The following DMD variants were observed in gnomAD, a reference collection of about 807,000 sequenced individuals.
The protein encoded by DMD is dystrophin, also known as mutant dystrophin.
Under a neutral mutation model 330.1 loss-of-function variants are expected in DMD, and 63 were observed. The ratio of observed to expected loss-of-function variants is 0.19; its 90% confidence interval spans 0.16 to 0.24. DMD has a LOEUF of 0.24. Ranked by LOEUF, DMD falls within the 10% of genes least tolerant of loss-of-function variation. DMD has a pLI of 1.00. For missense variants in DMD, 3,344 were observed against 2,684.1 expected, an observed-to-expected ratio of 1.25 and a Z score of -5.43; for synonymous variants, 1,223 against 959.8, an observed-to-expected ratio of 1.27 and a Z score of -5.07.
chrX:32,398,919 G>C (rs1349087766), intron 30 of DMD, among the ~76,000 whole-genome samples: 1 of 110,996 alleles, frequency 9.0e-6, no homozygotes, highest in African/African-American at 3.3e-5. Flanking sequence ...ACAGAATAGA[G>C]AACACAGAGA....
chrX:32,445,089 T>C (rs1448942862), intron 27 of DMD, among the ~76,000 whole-genome samples: 1 of 111,365 alleles, frequency 9.0e-6, no homozygotes, highest in Admixed American at 9.5e-5. Flanking sequence ...TCAAGAGCAG[T>C]TTGTGTAAAG....
chrX:33,019,150 A>G (rs1173622321), intron 2 of DMD, among the ~76,000 whole-genome samples: 1 of 111,778 alleles, frequency 8.9e-6, no homozygotes, highest in Non-Finnish European at 1.9e-5. Context: ...TGGCTCCATT[A>G]TCATGAATTT....
chrX:32,340,052 A>C (rs777670197), intron 41 of DMD, among the ~76,000 whole-genome samples: 2 of 112,123 alleles, frequency 1.8e-5, no homozygotes, highest in South Asian at 7.4e-4. Context: ...CAGTGAAATT[A>C]GTTTTAAAAT....
chrX:32,128,136 T>C (rs1402031815), intron 44 of DMD, among the ~76,000 whole-genome samples: 1 of 112,345 alleles, frequency 8.9e-6, no homozygotes, highest in Non-Finnish European at 1.9e-5. Context: ...AATTTCACTG[T>C]AAAACAAGTA....
chrX:31,478,634 CA>C (rs2068007750), intron 58 of DMD, among the ~76,000 whole-genome samples: 1 of 111,901 alleles, frequency 8.9e-6, no homozygotes, highest in Admixed American at 9.5e-5. Flanking sequence ...ATGCATACCA[CA>C]AGCTCTAATT....
Position 33,081,729 on chromosome X carries a change from TG to T in DMD, c.32-61530del, listed in dbSNP as rs751962027. On this transcript the variant is annotated intron_variant, in intron 1 of 78. Coordinates refer to ENST00000357033, the MANE Select transcript of DMD (RefSeq NM_004006.3). ...CCGGGTGACCAAAAGCATGCTTCTCTGGATCCAAGTGTGCAAAGAGTCAAGT... is the reference window on the plus strand; with the variant it reads ...CCGGGTGACCAAAAGCATGCTTCTCTGATCCAAGTGTGCAAAGAGTCAAGT... 7.8e-3 allele frequency among the ~76,000 whole-genome samples: 876 copies of T among 112,130 alleles called. 8 individuals carry two copies. Among genetic ancestry groups the T allele is most frequent in the African/African-American group, 0.027 (844 of 30,893 alleles).
chrX:31,870,301 C>T (rs1478170603), intron 48 of DMD, among the ~76,000 whole-genome samples: 1 of 111,830 alleles, frequency 8.9e-6, no homozygotes, highest in African/African-American at 3.2e-5. Flanking sequence ...CCTCTTGCCA[C>T]TTTTATACCT....
At chrX:32,653,725 T>C (rs2060343895) in intron 9 of DMD, among the ~76,000 whole-genome samples, 1 of 111,953 alleles carries the variant, frequency 8.9e-6, no homozygotes, top group African/African-American at 3.2e-5. Flanking sequence ...GGGGATGGCA[T>C]TGAATCTATA....
In DMD at chrX:32,454,846, A is replaced by C; in HGVS notation, c.3433-14T>G. 1 of 1,203,238 alleles carries C rather than the reference A, an allele frequency of 8.3e-7. No homozygotes were observed. Among genetic ancestry groups the C allele is most frequent in the Non-Finnish European group, 1.1e-6 (1 of 890,446 alleles). ...TCTGGCATAGACCTTCCACAAAACA[A>C]ACAAACAAAACACGATTATTGACAG... is the stretch of plus-strand genomic sequence containing the variant. On this transcript the variant is annotated splice_polypyrimidine_tract_variant and intron_variant, in intron 25 of 78. Transcript: ENST00000357033.
At chrX:32,892,186 C>A (rs1156831338) in intron 2 of DMD, among the ~76,000 whole-genome samples, 2 of 111,932 alleles carry the variant, frequency 1.8e-5, no homozygotes, top group African/African-American at 3.2e-5. Flanking sequence ...CCCTCAACCC[C>A]TTACAACTGT....
In DMD at chrX:32,287,534, T is replaced by C. The variant is rs1047077632; in HGVS notation, c.6285A>G (p.Arg2095=). 8.3e-7 allele frequency: 1 copy of C among 1,208,237 alleles called. No individual in the cohort carries two copies. The highest frequency in any genetic ancestry group is 2.2e-5 in the Admixed American group (1 of 45,624). ...WEKVNKMYKD[R]QGRFDRSVEK... ...AAAATATATGTGTTACCTACCCTTG[T>C]CGGTCCTTGTACATTTTGTTAACTT... Residue 2095 remains arginine (R), a synonymous_variant, in exon 43 of 79, where the codon CGA becomes CGG. Transcript: ENST00000357033.
In DMD at chrX:32,711,683, C is replaced by T. The variant is rs1462803652; in HGVS notation, c.650-12390G>A. 6.3e-5 allele frequency among the ~76,000 whole-genome samples: 7 copies of T among 111,605 alleles called. No homozygotes were observed. In the Admixed American group the frequency reaches 6.7e-4, roughly 11 times the overall value. On this transcript the variant is annotated intron_variant, in intron 7 of 78. Transcript: ENST00000357033. ...CATTTAAAGTTAATAGTGAAAGTAC[C>T]CCATATCTCTACAGCACCACAGTCC...
chrX:33,237,028 G>A, intron 1 of DMD, among the ~76,000 whole-genome samples: 1 of 111,367 alleles, frequency 9.0e-6, no homozygotes, highest in East Asian at 2.8e-4. Flanking sequence ...AGACTACTTT[G>A]AAGTAAGGAT....
intron 45 of DMD, among the ~76,000 whole-genome samples, chrX:31,959,661 A>G (rs2095281199): frequency 9.1e-6 from 1 of 110,318 alleles, no homozygotes; most frequent in Admixed American, 9.7e-5. Context: ...AGATTTGGAG[A>G]TGCTGAAAAT....
At chrX:33,276,929 A>G (rs2043468634) in intron 1 of DMD, among the ~76,000 whole-genome samples, 2 of 112,214 alleles carry the variant, frequency 1.8e-5, no homozygotes, top group Non-Finnish European at 3.8e-5. Context: ...AAGAATTGAC[A>G]TTGGTATAAT....
intron 13 of DMD, among the ~76,000 whole-genome samples, chrX:32,576,906 GCATT>G (rs1190123297): frequency 1.4e-4 from 16 of 111,509 alleles, no homozygotes; most frequent in Middle Eastern, 4.6e-3. Flanking sequence ...AGCCATCAAT[GCATT>G]CATTCATTGA....
At chrX:33,143,565 C>T (rs1393420581) in intron 1 of DMD, among the ~76,000 whole-genome samples, 1 of 110,757 alleles carries the variant, frequency 9.0e-6, no homozygotes, top group Non-Finnish European at 1.9e-5. Flanking sequence ...CATTTTATTC[C>T]CTTATTTAGG....
At chrX:31,958,430 G>C (rs2095268535) in intron 45 of DMD, among the ~76,000 whole-genome samples, 3 of 111,461 alleles carry the variant, frequency 2.7e-5, no homozygotes, top group African/African-American at 9.8e-5. Context: ...TGAAATCTTT[G>C]AACTTATTTT....
intron 61 of DMD, among the ~76,000 whole-genome samples, chrX:31,338,371 CAGG>C (rs1320570591): frequency 9.4e-6 from 1 of 106,848 alleles, no homozygotes; most frequent in Non-Finnish European, 1.9e-5. Flanking sequence ...GAGGCTGAGG[CAGG>C]AGAATAGCTT....
Sources: allele counts gnomAD v4.1 joint callset (sites outside exome capture counted in the v4.1 genomes callset), GRCh38; gene constraint gnomAD v4.1.1; transcripts MANE v1.5; gene names NCBI Gene and HGNC (gene_info 2026-07-23, HGNC 2026-07-21).